Variants in RANBP10 observed in about 807,000 individuals in gnomAD.
RANBP10 encodes RAN binding protein 10, also known as ran-binding protein 10.
A neutral mutation model predicts 72.8 loss-of-function variants in RANBP10; 24 were observed. That is an observed-to-expected ratio of 0.33 (90% CI 0.24 to 0.46). The LOEUF (loss-of-function observed/expected upper bound fraction) is 0.46. RANBP10 is among the 20% of genes least tolerant of loss of function. RANBP10 has a pLI of 1.00. For missense variants in RANBP10, 679 were observed against 817.5 expected (o/e 0.83, Z 2.07); for synonymous variants, 310 against 322.3 (o/e 0.96, Z 0.41).
intron 3 of RANBP10, among the ~76,000 whole-genome samples, chr16:67,753,064 A>AC (rs1209891809): frequency 4.0e-5 from 6 of 151,594 alleles, no homozygotes; most frequent in Non-Finnish European, 1.5e-5. Context: ...ACATGGTGAG[A>AC]CCCCATACCT....
chr16:67,783,209 T>C (rs551442577), intron 2 of RANBP10, among the ~76,000 whole-genome samples: 1 of 152,112 alleles, frequency 6.6e-6, no homozygotes, highest in Non-Finnish European at 1.5e-5. Flanking sequence ...TGAGACAGAT[T>C]TGGCACAGCT....
chr16:67,742,099 C>T (rs948394627), intron 4 of RANBP10, among the ~76,000 whole-genome samples: 6 of 149,232 alleles, frequency 4.0e-5, no homozygotes, highest in Non-Finnish European at 4.4e-5. Flanking sequence ...AATATAGGGA[C>T]GGGGTCTCGC....
intron 3 of RANBP10, among the ~76,000 whole-genome samples, chr16:67,770,107 C>T (rs922815200): frequency 6.6e-6 from 1 of 152,032 alleles, no homozygotes; most frequent in African/African-American, 2.4e-5. Flanking sequence ...CTCTTTTCTC[C>T]ACTACCAACT....
chr16:67,796,493 G>T (rs867988344), intron 2 of RANBP10, among the ~76,000 whole-genome samples: 3 of 152,036 alleles, frequency 2.0e-5, no homozygotes, highest in Non-Finnish European at 4.4e-5. Context: ...CCACCCTGAG[G>T]GCTAGTAGAT....
chr16:67,723,121 GT>G lies in RANBP10; in HGVS notation c.*3306del, dbSNP rs543994390. On this transcript the variant is annotated 3_prime_UTR_variant, in exon 14 of 14. Coordinates refer to ENST00000317506, the MANE Select transcript of RANBP10 (RefSeq NM_020850.3). ...AATAATTCTGTCAAAATACAACAGA[GT>G]TTTTTTTTTGTCTCTCAAGTACAAT... 25 of 149,564 alleles carry G rather than the reference GT, an allele frequency of 1.7e-4. No homozygotes were observed. The highest frequency in any genetic ancestry group is 4.3e-4 in the South Asian group (2 of 4,688). The allele number at this position is 149,564 out of a possible 1,614,324, so 9.3% of individuals were successfully genotyped here.
At chr16:67,746,016 C>A (rs1362776468) in intron 3 of RANBP10, among the ~76,000 whole-genome samples, 2 of 151,934 alleles carry the variant, frequency 1.3e-5, no homozygotes, top group Admixed American at 1.3e-4. Context: ...ATTAGCCGGG[C>A]ATGGTGGTGC....
chr16:67,772,900 G>C (rs2054633961), intron 2 of RANBP10, among the ~76,000 whole-genome samples: 1 of 152,112 alleles, frequency 6.6e-6, no homozygotes, highest in Non-Finnish European at 1.5e-5. Context: ...GAGGCTCCCA[G>C]GCCATCTACT....
chr16:67,781,276 T>C (rs1043076436), intron 2 of RANBP10, among the ~76,000 whole-genome samples: 1 of 152,184 alleles, frequency 6.6e-6, no homozygotes, highest in South Asian at 2.1e-4. Flanking sequence ...AACAAACACC[T>C]GTTTACTTGA....
In RANBP10 at chr16:67,770,384, A is replaced by G. The variant is rs541120712; in HGVS notation, c.400+1650T>C. Among the ~76,000 whole-genome samples the G allele has an allele frequency of 1.9e-4, 29 of 152,036 alleles. No individual in the cohort carries two copies. In the South Asian group the frequency reaches 2.7e-3, roughly 14 times the overall value. The stretch of plus-strand genomic sequence containing the variant: ...AAGGGGGAAAAAAGTAAGATTCCTG[A>G]CAATTAGTTGAATCCTAAGCATCCT... On this transcript the variant is annotated intron_variant, in intron 3 of 13. Coordinates refer to ENST00000317506, the MANE Select transcript of RANBP10 (RefSeq NM_020850.3).
Position 67,723,912 on chromosome 16 carries a change from G to C in RANBP10, c.*2516C>G. 1 of 152,612 alleles carries C rather than the reference G, an allele frequency of 6.6e-6. No individual in the cohort carries two copies. Among genetic ancestry groups the C allele is most frequent in the Non-Finnish European group, 1.5e-5 (1 of 68,132 alleles). 9.5% of individuals were successfully genotyped at this position (152,612 alleles called of 1,614,324 possible). ...CAGCTTGGTTTTGGCCCTCTCCACA[G>C]CTTGTGGGGCAAAGGCTTATGTCCC... On this transcript the variant is annotated 3_prime_UTR_variant, in exon 14 of 14. Transcript: ENST00000317506.
At chr16:67,760,094 C>T (rs1157993971) in intron 3 of RANBP10, among the ~76,000 whole-genome samples, 7 of 140,562 alleles carry the variant, frequency 5.0e-5, no homozygotes, top group Non-Finnish European at 9.0e-5. Context: ...AGCGAGACTC[C>T]GTCTCAAAAA....
chr16:67,767,792 T>G (rs2054532548), intron 3 of RANBP10, among the ~76,000 whole-genome samples: 1 of 151,914 alleles, frequency 6.6e-6, no homozygotes, highest in African/African-American at 2.4e-5. Flanking sequence ...GAGATGGGAT[T>G]TCACCGTGTT....
At chr16:67,766,629 G>A (rs1422727209) in intron 3 of RANBP10, among the ~76,000 whole-genome samples, 1 of 151,994 alleles carries the variant, frequency 6.6e-6, no homozygotes, top group Non-Finnish European at 1.5e-5. Context: ...GCTTCCATAG[G>A]CCCTCACCAG....
At chr16:67,728,615 G>A (rs370989450) in intron 10 of RANBP10, 104 bp from the exon 11 acceptor site, 279 of 1,584,202 alleles carry the variant, frequency 1.8e-4, no homozygotes, top group Middle Eastern at 1.8e-4. Context: ...TGGGTGAACC[G>A]AGGACCCCCA....
At position 67,806,541 on chromosome 16, in the gene RANBP10, G is replaced by C. The variant is rs950567702; in HGVS notation, c.-5C>G. ...GTCTGCCGTCGCTGCCGCCATCTTG[G>C]AGGGAGCTACTATTGTGTCACTGGG... is the stretch of plus-strand genomic sequence containing the variant. On this transcript the variant is annotated 5_prime_UTR_variant, in exon 1 of 14. Coordinates refer to ENST00000317506, the MANE Select transcript of RANBP10 (RefSeq NM_020850.3). 8.2e-5 allele frequency: 123 copies of C among 1,496,878 alleles called. No individual in the cohort carries two copies. In the East Asian group the frequency reaches 3.0e-3, roughly 36 times the overall value. 92.7% of individuals were successfully genotyped at this position (1,496,878 alleles called of 1,614,324 possible).
At chr16:67,772,552 A>G (rs1302952831) in intron 2 of RANBP10, among the ~76,000 whole-genome samples, 1 of 152,204 alleles carries the variant, frequency 6.6e-6, no homozygotes, top group Non-Finnish European at 1.5e-5. Context: ...TAGGATCATC[A>G]ATCAAGACTG....
intron 2 of RANBP10, among the ~76,000 whole-genome samples, chr16:67,778,000 G>A (rs1027419131): frequency 6.6e-6 from 1 of 152,178 alleles, no homozygotes; most frequent in Non-Finnish European, 1.5e-5. Context: ...ATTAGATGGG[G>A]AAATGACAGT....
At chr16:67,743,933 G>A (rs1392527622) in intron 4 of RANBP10, among the ~76,000 whole-genome samples, 1 of 152,106 alleles carries the variant, frequency 6.6e-6, no homozygotes, top group African/African-American at 2.4e-5. Flanking sequence ...CCAAAGTCTG[G>A]GCCAGGTCAC....
chr16:67,792,044 C>CA (rs567961558), intron 2 of RANBP10, among the ~76,000 whole-genome samples: 944 of 79,086 alleles, frequency 0.012, 7 homozygotes, highest in Admixed American at 0.046. Flanking sequence ...GACTCCGTCT[C>CA]AAAAAAAAAA....
Sources: allele counts gnomAD v4.1 joint callset (sites outside exome capture counted in the v4.1 genomes callset), GRCh38; gene constraint gnomAD v4.1.1; transcripts MANE v1.5; gene names NCBI Gene and HGNC (gene_info 2026-07-23, HGNC 2026-07-21).